The following PEX7 variants were observed in gnomAD, a reference collection of about 807,000 sequenced individuals.
The protein encoded by PEX7 is PTS2 receptor.
A neutral mutation model predicts 47.5 loss-of-function variants in PEX7; 34 were observed. The ratio of observed to expected loss-of-function variants is 0.72; its 90% CI spans 0.54 to 0.95. The LOEUF (loss-of-function observed/expected upper bound fraction) is 0.95. PEX7 is among the 40% of genes least tolerant of loss of function. PEX7 has a pLI of 0.00. For synonymous variants in PEX7, 141 were observed against 148.8 expected (o/e 0.95, Z 0.38); for missense variants, 394 against 400.3 (o/e 0.98, Z 0.13).
intron 3 of PEX7, among the ~76,000 whole-genome samples, chr6:136,836,859 A>G (rs1187003762): frequency 6.6e-6 from 1 of 152,028 alleles, no homozygotes; most frequent in Non-Finnish European, 1.5e-5. Flanking sequence ...AGGCTGAGGC[A>G]GGAGAATCGC....
At chr6:136,902,249 C>G (rs140245331) in intron 9 of PEX7, among the ~76,000 whole-genome samples, 1 of 152,210 alleles carries the variant, frequency 6.6e-6, no homozygotes, top group African/African-American at 2.4e-5. Context: ...TACCTATTGT[C>G]TTTTGTGATC....
intron 9 of PEX7, among the ~76,000 whole-genome samples, chr6:136,903,969 G>T (rs1453158385): frequency 6.6e-6 from 1 of 151,990 alleles, no homozygotes; most frequent in East Asian, 1.9e-4. Context: ...ACTGTGCCTG[G>T]TTAGATATCA....
intron 3 of PEX7, among the ~76,000 whole-genome samples, chr6:136,838,984 C>A (rs1774444565): frequency 6.6e-6 from 1 of 152,066 alleles, no homozygotes; most frequent in Non-Finnish European, 1.5e-5. Context: ...GATTTAGAGA[C>A]CAGCCTGGGT....
chr6:136,830,637 A>T (rs930864183), intron 3 of PEX7, among the ~76,000 whole-genome samples: 2 of 152,210 alleles, frequency 1.3e-5, no homozygotes, highest in African/African-American at 2.4e-5. Flanking sequence ...AAAAATTTTT[A>T]AAAGTTCAGT....
chr6:136,882,262 C>A (rs1161555652), intron 8 of PEX7, among the ~76,000 whole-genome samples: 1 of 147,588 alleles, frequency 6.8e-6, no homozygotes, highest in African/African-American at 2.5e-5. Context: ...ATTGTAACCT[C>A]CACCTCCAGG....
intron 1 of PEX7, among the ~76,000 whole-genome samples, chr6:136,824,739 C>T (rs1013852959): frequency 5.9e-5 from 9 of 152,150 alleles, no homozygotes; most frequent in African/African-American, 1.2e-4. Context: ...CAAGTATCTC[C>T]GCATTCATAT....
chr6:136,830,244 A>G (rs1258490326), intron 3 of PEX7: 1 of 530,732 alleles, frequency 1.9e-6, no homozygotes, highest in Non-Finnish European at 3.3e-6. Flanking sequence ...CCAGCATTGA[A>G]TAAATATGAG....
chr6:136,823,586 C>T (rs1035489390), intron 1 of PEX7, among the ~76,000 whole-genome samples: 5 of 151,878 alleles, frequency 3.3e-5, no homozygotes, highest in African/African-American at 4.8e-5. Context: ...ACTGAGACCC[C>T]GTCTTAAAAA....
chr6:136,894,022 CGTT>C (rs1355175148), intron 8 of PEX7, among the ~76,000 whole-genome samples: 3 of 152,126 alleles, frequency 2.0e-5, no homozygotes, highest in African/African-American at 7.2e-5. Context: ...ATGATTTTGA[CGTT>C]GTATTTAATA....
intron 8 of PEX7, among the ~76,000 whole-genome samples, chr6:136,891,302 G>A (rs1036751293): frequency 1.3e-5 from 2 of 152,168 alleles, no homozygotes; most frequent in Non-Finnish European, 2.9e-5. Flanking sequence ...TAGAGTTTTC[G>A]ATGAAATATT....
At chr6:136,910,931 TA>T (rs1385629357) in intron 9 of PEX7, among the ~76,000 whole-genome samples, 1 of 152,240 alleles carries the variant, frequency 6.6e-6, no homozygotes, top group Admixed American at 6.5e-5. Context: ...TCAACATTCT[TA>T]TTTTATTTAT....
At position 136,823,217 on chromosome 6, in the gene PEX7, A is replaced by C. The variant is rs181410939; in HGVS notation, c.130+422A>C. On this transcript the variant is annotated intron_variant, in intron 1 of 9. Coordinates refer to ENST00000318471, the MANE Select transcript of PEX7 (RefSeq NM_000288.4). Reference sequence around the variant, plus strand: ...ACCCAGGGCTCGCGAGTTGGCCCACAATTCCCAGTCTGCATTCGAGCACTG... The same window carrying C: ...ACCCAGGGCTCGCGAGTTGGCCCACCATTCCCAGTCTGCATTCGAGCACTG... 823 of 985,360 alleles carry C rather than the reference A, an allele frequency of 8.4e-4. 5 individuals carry two copies. The African/African-American group carries it at 0.013, about 16-fold the overall frequency. 61.0% of individuals were successfully genotyped at this position (985,360 alleles called of 1,614,324 possible). A position where few individuals can be genotyped will look rare whatever the true frequency, so the allele number is the denominator to read the frequency against.
At chr6:136,912,432 T>A (rs1775948490) in intron 9 of PEX7, among the ~76,000 whole-genome samples, 1 of 152,194 alleles carries the variant, frequency 6.6e-6, no homozygotes, top group African/African-American at 2.4e-5. Context: ...TTCACTTTTT[T>A]CCCTATGGAT....
chr6:136,913,388 GT>G, intron 9 of PEX7, 69 bp from the exon 10 acceptor site: 1 of 1,059,458 alleles, frequency 9.4e-7, no homozygotes. Context: ...AATGACTTGA[GT>G]TTTTGCTGTC....
At chr6:136,910,574 A>G (rs62420715) in intron 9 of PEX7, among the ~76,000 whole-genome samples, 193 of 152,346 alleles carry the variant, frequency 1.3e-3, no homozygotes, top group Non-Finnish European at 2.2e-3. Context: ...TTTTAAATTT[A>G]AAAGTTTGAC....
rs1460601633 is a variant in PEX7, at chr6:136,822,912, C to T, written c.130+117C>T. 95 of 1,214,346 alleles carry T rather than the reference C, an allele frequency of 7.8e-5. 1 individual carries two copies. The highest frequency in any genetic ancestry group is 9.4e-5 in the Non-Finnish European group (92 of 977,922). The allele number at this position is 1,214,346 out of a possible 1,614,324, so 75.2% of individuals were successfully genotyped here. On this transcript the variant is annotated intron_variant, in intron 1 of 9. Transcript: ENST00000318471. ...TCTGAGCGTAGACGGTTCCGCGGGT[C>T]CACGCCAGGGGGCAGAAGAGGCGCT... is the stretch of plus-strand genomic sequence containing the variant.
intron 5 of PEX7, among the ~76,000 whole-genome samples, chr6:136,862,151 C>T (rs1453172707): frequency 6.7e-6 from 1 of 149,848 alleles, no homozygotes; most frequent in Non-Finnish European, 1.5e-5. Flanking sequence ...ACTGCAACCT[C>T]CACCCCTGGG....
intron 5 of PEX7, among the ~76,000 whole-genome samples, chr6:136,862,666 A>G (rs1408164428): frequency 2.0e-5 from 3 of 152,170 alleles, no homozygotes; most frequent in South Asian, 2.1e-4. Flanking sequence ...GTAAACCATC[A>G]TGCCCAGCCT....
At chr6:136,889,501 A>G (rs1287970891) in intron 8 of PEX7, among the ~76,000 whole-genome samples, 2 of 152,240 alleles carry the variant, frequency 1.3e-5, no homozygotes, top group Admixed American at 6.5e-5. Flanking sequence ...CCTTAGCTTA[A>G]TGCAGTATAA....
Sources: gnomAD v4.1 joint callset for allele counts (sites outside exome capture counted in the v4.1 genomes callset) on GRCh38, gnomAD v4.1.1 for gene constraint, MANE v1.5 for transcripts, NCBI Gene and HGNC (gene_info 2026-07-23, HGNC 2026-07-21) for gene names.